The following ZNF385D variants were observed in gnomAD, a reference collection of about 807,000 sequenced individuals.
ZNF385D encodes the protein zinc finger protein 385D.
A neutral mutation model predicts 35.8 loss-of-function variants in ZNF385D; 15 were observed. That is an observed-to-expected ratio of 0.42 (90% CI 0.28 to 0.64). The LOEUF is 0.64. Ranked by LOEUF, ZNF385D falls within the 30% of genes least tolerant of loss-of-function variation. The probability of loss-of-function intolerance (pLI) is 0.23; values close to 1 mark genes in which losing one functional copy is unlikely to be tolerated. For missense variants in ZNF385D, 474 were observed against 494.6 expected (o/e 0.96, Z 0.39); for synonymous variants, 212 against 186.8 (o/e 1.13, Z -1.10).
chr3:21,659,168 A>G (rs2066161544), intron 2 of ZNF385D, among the ~76,000 whole-genome samples: 1 of 152,096 alleles, frequency 6.6e-6, no homozygotes, highest in African/African-American at 2.4e-5. Flanking sequence ...AGTGCTTAAT[A>G]AATGCCCAGT....
intron 4 of ZNF385D, among the ~76,000 whole-genome samples, chr3:21,500,613 T>G (rs142000676): frequency 2.0e-5 from 3 of 152,154 alleles, no homozygotes; most frequent in East Asian, 3.9e-4. Flanking sequence ...TGGGGTGAGG[T>G]ATGATGGAGG....
At chr3:21,766,905 A>C (rs1287648735) in intron 3 of ZNF385D, among the ~76,000 whole-genome samples, 1 of 152,154 alleles carries the variant, frequency 6.6e-6, no homozygotes, top group African/African-American at 2.4e-5. Context: ...AGACAGCCAG[A>C]TGAGGTTCAA....
chr3:21,801,506 T>A (rs1455662168), intron 3 of ZNF385D, among the ~76,000 whole-genome samples: 2 of 152,158 alleles, frequency 1.3e-5, no homozygotes, highest in African/African-American at 4.8e-5. Flanking sequence ...TATCTTTTTA[T>A]CTATCTATTT....
intron 3 of ZNF385D, among the ~76,000 whole-genome samples, chr3:21,563,796 T>C (rs1474417878): frequency 6.6e-6 from 1 of 152,188 alleles, no homozygotes; most frequent in Admixed American, 6.5e-5. Context: ...TGCCTGTCTC[T>C]TCTGGAACTC....
intron 3 of ZNF385D, among the ~76,000 whole-genome samples, chr3:21,819,224 TAA>T (rs2073286900): frequency 6.6e-6 from 1 of 151,338 alleles, no homozygotes; most frequent in South Asian, 2.1e-4. Context: ...GCAGAACAAA[TAA>T]AAGGCACACA....
chr3:21,544,864 T>C (rs2062316490), intron 3 of ZNF385D, among the ~76,000 whole-genome samples: 1 of 152,138 alleles, frequency 6.6e-6, no homozygotes. Context: ...GTTTCAAAAT[T>C]GTCTTCCCTG....
intron 1 of ZNF385D, among the ~76,000 whole-genome samples, chr3:21,702,589 G>A (rs1227707751): frequency 3.9e-5 from 6 of 152,144 alleles, no homozygotes; most frequent in African/African-American, 1.2e-4. Context: ...TCAAAAAATG[G>A]GTTTTTCTTT....
intron 3 of ZNF385D, among the ~76,000 whole-genome samples, chr3:22,023,985 G>A (rs1218534279): frequency 6.6e-6 from 1 of 152,118 alleles, no homozygotes; most frequent in Admixed American, 6.6e-5. Flanking sequence ...TTGATCCCCT[G>A]GGTATGTCTG....
intron 2 of ZNF385D, among the ~76,000 whole-genome samples, chr3:22,317,491 T>TTTATCTACG (rs1703965561): frequency 6.6e-6 from 1 of 151,996 alleles, no homozygotes; most frequent in South Asian, 2.1e-4. Context: ...CCTGTGGGAC[T>TTTATCTACG]TTATCTACGT....
At chr3:21,452,103 G>C (rs567217416) in intron 4 of ZNF385D, among the ~76,000 whole-genome samples, 2 of 152,122 alleles carry the variant, frequency 1.3e-5, no homozygotes, top group Admixed American at 1.3e-4. Context: ...GCATTAAACA[G>C]TTTTGTGTAG....
chr3:22,325,833 T>TG, intron 2 of ZNF385D, among the ~76,000 whole-genome samples: 1 of 91,724 alleles, frequency 1.1e-5, no homozygotes, highest in Non-Finnish European at 3.1e-5. Flanking sequence ...AAGAATCACA[T>TG]TTTTTTTTCT....
chr3:21,747,309 T>G (rs2069823574), intron 1 of ZNF385D, among the ~76,000 whole-genome samples: 1 of 152,198 alleles, frequency 6.6e-6, no homozygotes. Flanking sequence ...CTTAATTCTG[T>G]TTAAAGTGTA....
At chr3:21,425,057 A>G (rs575160407) in intron 6 of ZNF385D, among the ~76,000 whole-genome samples, 1 of 152,310 alleles carries the variant, frequency 6.6e-6, no homozygotes, top group Non-Finnish European at 1.5e-5. Flanking sequence ...AATAAAACAC[A>G]TAAAATGAAA....
intron 3 of ZNF385D, among the ~76,000 whole-genome samples, chr3:21,841,276 A>C (rs978114305): frequency 6.6e-6 from 1 of 152,036 alleles, no homozygotes; most frequent in African/African-American, 2.4e-5. Flanking sequence ...TTATTTATTC[A>C]ATTATTCCTG....
intron 3 of ZNF385D, among the ~76,000 whole-genome samples, chr3:21,925,182 A>G (rs1279826903): frequency 6.6e-6 from 1 of 152,176 alleles, no homozygotes; most frequent in Non-Finnish European, 1.5e-5. Flanking sequence ...CAAAGTAGGT[A>G]GAATAGCTAA....
Position 22,095,607 on chromosome 3 carries a change from T to C in ZNF385D, c.325+73210A>G, listed in dbSNP as rs575216581. Among the ~76,000 whole-genome samples the C allele has an allele frequency of 5.3e-5, 8 of 152,152 alleles. No individual in the cohort carries two copies. In the Middle Eastern group the frequency reaches 0.01, roughly 194 times the overall value. On this transcript the variant is annotated intron_variant, in intron 3 of 5. Coordinates refer to the ZNF385D transcript ENST00000494108. ...GGATACAATCTCCTACTGTAACTAG[T>C]TTTTCTATGACTTTTCCTGAGTGCA...
intron 1 of ZNF385D, among the ~76,000 whole-genome samples, chr3:21,741,974 G>C (rs73822040): frequency 0.012 from 1,847 of 152,258 alleles, 37 homozygotes; most frequent in African/African-American, 0.042. Context: ...ATGAAGTAAC[G>C]AAATGCTTCT....
intron 3 of ZNF385D, among the ~76,000 whole-genome samples, chr3:21,929,703 C>A (rs1429364866): frequency 6.6e-6 from 1 of 151,906 alleles, no homozygotes; most frequent in Non-Finnish European, 1.5e-5. Context: ...ATTCCAGTCA[C>A]AGCAGCATCA....
chr3:22,314,801 G>C (rs954503959), intron 2 of ZNF385D, among the ~76,000 whole-genome samples: 2 of 152,088 alleles, frequency 1.3e-5, no homozygotes, highest in African/African-American at 4.8e-5. Flanking sequence ...AAACATCCTG[G>C]TCATATTAAT....
Sources: allele counts gnomAD v4.1 joint callset (sites outside exome capture counted in the v4.1 genomes callset), GRCh38; gene constraint gnomAD v4.1.1; transcripts MANE v1.5; gene names NCBI Gene and HGNC (gene_info 2026-07-23, HGNC 2026-07-21).